CELF2: variants seen among roughly 807,000 people sequenced by gnomAD.
CELF2 encodes the protein CUG triplet repeat RNA-binding protein 2.
A neutral mutation model predicts 62.6 loss-of-function variants in CELF2; 8 were observed. The ratio of observed to expected loss-of-function variants is 0.13; its 90% CI spans 0.07 to 0.23. CELF2 has a LOEUF of 0.23. CELF2 is among the 10% of genes least tolerant of loss of function. The probability of loss-of-function intolerance (pLI) is 1.00; values close to 1 mark genes in which losing one functional copy is unlikely to be tolerated. For synonymous variants in CELF2, 258 were observed against 250.0 expected (o/e 1.03, Z -0.30); for missense variants, 333 against 671.0 (o/e 0.50, Z 5.56).
rs1261556077 is a variant in CELF2, at chr10:10,957,138, C to T, written c.89+37139C>T. Among the ~76,000 whole-genome samples the T allele has an allele frequency of 6.6e-6, 1 of 152,144 alleles. No homozygotes were observed. Among genetic ancestry groups the T allele is most frequent in the Non-Finnish European group, 1.5e-5 (1 of 68,028 alleles). Reference sequence around the variant, plus strand: ...AGAGGCAGCCACCTTCTCCTCTAATCCTCTCTTTGCTGTGCCTCTCTGGAG... The same window carrying T: ...AGAGGCAGCCACCTTCTCCTCTAATTCTCTCTTTGCTGTGCCTCTCTGGAG... On this transcript the variant is annotated intron_variant, in intron 2 of 13. Coordinates refer to the CELF2 transcript ENST00000636488. This position sits in a 1 kb window ranked among gnomAD's most constrained non-coding sequence, Gnocchi z 4.1.
chr10:10,956,618 G>C (rs1408776053), intron 2 of CELF2, among the ~76,000 whole-genome samples: 1 of 152,152 alleles, frequency 6.6e-6, no homozygotes, highest in African/African-American at 2.4e-5. Context: ...ACTGCCATAT[G>C]CAAAGGGACC....
the CELF2 span, among the ~76,000 whole-genome samples, chr10:10,637,290 A>G: frequency 6.6e-6 from 1 of 152,204 alleles, no homozygotes; most frequent in African/African-American, 2.4e-5. Flanking sequence ...ACTCCCAGGA[A>G]CAGAGACATT....
At chr10:11,034,389 TA>T (rs2060623776) in intron 1 of CELF2, among the ~76,000 whole-genome samples, 1 of 152,162 alleles carries the variant, frequency 6.6e-6, no homozygotes, top group African/African-American at 2.4e-5. Context: ...AGATCCCTCC[TA>T]GATGTGTTAA....
At chr10:10,788,569 T>C in the CELF2 span, among the ~76,000 whole-genome samples, 5 of 149,284 alleles carry the variant, frequency 3.3e-5, no homozygotes, top group African/African-American at 1.2e-4. Context: ...TTCAAGCGAT[T>C]CTCCTGCCTC....
At chr10:10,871,533 C>T (rs1288539524) in intron 1 of CELF2, among the ~76,000 whole-genome samples, 3 of 152,036 alleles carry the variant, frequency 2.0e-5, no homozygotes, top group Non-Finnish European at 4.4e-5. Context: ...GGACTGCAAT[C>T]CCAGCACTTT....
At chr10:10,694,107 G>T in the CELF2 span, among the ~76,000 whole-genome samples, 1 of 150,444 alleles carries the variant, frequency 6.6e-6, no homozygotes, top group South Asian at 2.1e-4. Flanking sequence ...TGATGTTAGG[G>T]TGTCAATTTT....
chr10:10,872,298 C>G (rs2060799684), intron 1 of CELF2, among the ~76,000 whole-genome samples: 1 of 152,112 alleles, frequency 6.6e-6, no homozygotes. Flanking sequence ...TCTTTTTGAC[C>G]TGGGAGGTGA....
At chr10:10,764,105 A>C in the CELF2 span, among the ~76,000 whole-genome samples, 1 of 152,256 alleles carries the variant, frequency 6.6e-6, no homozygotes, top group Non-Finnish European at 1.5e-5. Flanking sequence ...TCATGCAAAA[A>C]TTCAGACGGG....
chr10:10,827,237 T>C (rs1267868280), intron 1 of CELF2, among the ~76,000 whole-genome samples: 1 of 152,140 alleles, frequency 6.6e-6, no homozygotes, highest in African/African-American at 2.4e-5. Context: ...GAGCACATGA[T>C]AGCCTCCACC....
At chr10:10,891,151 A>C (rs1367028937) in intron 1 of CELF2, among the ~76,000 whole-genome samples, 1 of 152,186 alleles carries the variant, frequency 6.6e-6, no homozygotes, top group African/African-American at 2.4e-5. Context: ...CTAAGAACAA[A>C]TGTAAGTAAT....
intron 2 of CELF2, chr10:10,952,175 A>C (rs1028852036): frequency 6.6e-6 from 1 of 152,250 alleles, no homozygotes; most frequent in Non-Finnish European, 1.5e-5. Context: ...GCAACCGGGA[A>C]TTATTATGCC....
At chr10:11,196,563 A>G (rs1008487641) in intron 2 of CELF2, among the ~76,000 whole-genome samples, 16 of 152,254 alleles carry the variant, frequency 1.1e-4, no homozygotes, top group African/African-American at 3.9e-4. Context: ...GCTACTCAGG[A>G]GGCTGAGGAG....
intron 1 of CELF2, among the ~76,000 whole-genome samples, chr10:10,812,941 A>G (rs2056075315): frequency 6.6e-6 from 1 of 152,186 alleles, no homozygotes. Flanking sequence ...ACTATGAGAT[A>G]TTGAACCAGG....
At chr10:10,539,284 T>C in the CELF2 span, among the ~76,000 whole-genome samples, 1 of 152,214 alleles carries the variant, frequency 6.6e-6, no homozygotes, top group African/African-American at 2.4e-5. Flanking sequence ...ATAATTTAGG[T>C]CGGAGGACTT....
intron 2 of CELF2, chr10:10,966,837 G>A (rs1329895259): frequency 3.3e-5 from 5 of 152,306 alleles, no homozygotes; most frequent in Non-Finnish European, 7.3e-5. Context: ...TGTGAGGTAA[G>A]GGACAGGTGA....
chr10:10,831,955 G>C (rs993102004), intron 1 of CELF2, among the ~76,000 whole-genome samples: 1 of 151,874 alleles, frequency 6.6e-6, no homozygotes, highest in African/African-American at 2.4e-5. Context: ...CTGGGTGACA[G>C]AGCGAGACTC....
At chr10:10,596,623 C>A in the CELF2 span, among the ~76,000 whole-genome samples, 1 of 152,188 alleles carries the variant, frequency 6.6e-6, no homozygotes, top group African/African-American at 2.4e-5. Flanking sequence ...ACTGAACAAC[C>A]TCCTGCTTTA....
At chr10:10,649,646 T>G in the CELF2 span, among the ~76,000 whole-genome samples, 2 of 152,206 alleles carry the variant, frequency 1.3e-5, no homozygotes, top group Non-Finnish European at 2.9e-5. Flanking sequence ...GATTTTAAGT[T>G]GGATCTGGAG....
chr10:10,489,794 C>A, the CELF2 span, among the ~76,000 whole-genome samples: 17 of 151,956 alleles, frequency 1.1e-4, no homozygotes, highest in Non-Finnish European at 2.4e-4. Flanking sequence ...GGTAAGATTT[C>A]AGGTGGAGTT....
Sources: gnomAD v4.1 joint callset for allele counts (sites outside exome capture counted in the v4.1 genomes callset) on GRCh38, gnomAD v4.1.1 for gene constraint, Gnocchi (gnomAD v3.1) non-coding constraint, MANE v1.5 for transcripts, NCBI Gene and HGNC (gene_info 2026-07-23, HGNC 2026-07-21) for gene names.